The following PHLPP2 variants were observed in gnomAD, a reference collection of about 807,000 sequenced individuals.
PHLPP2 encodes the protein PH domain leucine-rich repeat-containing protein phosphatase 2.
In PHLPP2, 66 loss-of-function variants were observed where a neutral mutation model predicts 124.9. That is an observed-to-expected ratio of 0.53 (90% confidence interval 0.43 to 0.65). The LOEUF (loss-of-function observed/expected upper bound fraction) is 0.65, where lower values mean the gene tolerates loss of function less well. Ranked by LOEUF, PHLPP2 falls within the 30% of genes least tolerant of loss-of-function variation. The pLI is 0.00. For missense variants in PHLPP2, 1,685 were observed against 1,600.4 expected (o/e 1.05, Z -0.90); for synonymous variants, 681 against 624.7 (o/e 1.09, Z -1.34).
Position 71,658,520 on chromosome 16 carries a change from A to C in PHLPP2, c.2148+133T>G, listed in dbSNP as rs560307366. The C allele has an allele frequency of 1.7e-5, 21 of 1,203,062 alleles. No individual in the cohort carries two copies. In the South Asian group the frequency reaches 2.1e-4, roughly 12 times the overall value. The allele number at this position is 1,203,062 out of a possible 1,614,324, so 74.5% of individuals were successfully genotyped here. ...TGGTCCCAAACTGGAGCACATAAGA[A>C]GACAATAATATTTTTCCTTATAAGA... is the stretch of plus-strand genomic sequence containing the variant. On this transcript the variant is annotated intron_variant, in intron 14 of 18. Coordinates refer to ENST00000568954, the MANE Select transcript of PHLPP2 (RefSeq NM_015020.3).
chr16:71,698,524 T>C, intron 3 of PHLPP2: 1 of 711,226 alleles, frequency 1.4e-6, no homozygotes, highest in Non-Finnish European at 2.6e-6. Context: ...GAGCCTAGAC[T>C]GGGGATAGCA....
intron 4 of PHLPP2, among the ~76,000 whole-genome samples, chr16:71,685,497 C>A (rs2045047136): frequency 6.6e-6 from 1 of 151,990 alleles, no homozygotes; most frequent in Non-Finnish European, 1.5e-5. Flanking sequence ...GGTTTCTGTG[C>A]CAACTGAAGA....
chr16:71,682,943 G>A (rs2045016886), intron 5 of PHLPP2, among the ~76,000 whole-genome samples: 1 of 152,164 alleles, frequency 6.6e-6, no homozygotes, highest in South Asian at 2.1e-4. Context: ...GGCCAAGGCG[G>A]GCGGATCACC....
chr16:71,677,451 C>CAT (rs1428527661), intron 8 of PHLPP2: 5 of 89,912 alleles, frequency 5.6e-5, no homozygotes, highest in African/African-American at 1.9e-4. Flanking sequence ...AAATAATCTG[C>CAT]ACATATATAT....
chr16:71,697,621 G>T (rs190791523), intron 3 of PHLPP2, among the ~76,000 whole-genome samples: 72 of 152,244 alleles, frequency 4.7e-4, no homozygotes, highest in African/African-American at 1.6e-3. Context: ...TCTGATGTTT[G>T]TATTTATGCT....
intron 1 of PHLPP2, among the ~76,000 whole-genome samples, chr16:71,719,172 T>C (rs1033779236): frequency 2.6e-5 from 4 of 152,232 alleles, no homozygotes; most frequent in African/African-American, 9.6e-5. Context: ...CACAAATTTA[T>C]TTGAAAGGGA....
At chr16:71,681,972 G>T in intron 5 of PHLPP2, 67 bp from the exon 6 acceptor site, 1 of 1,158,230 alleles carries the variant, frequency 8.6e-7, no homozygotes, top group African/African-American at 1.6e-5. Flanking sequence ...GCAAAGAATG[G>T]AATGGCATTT....
In PHLPP2 at chr16:71,649,431, T is replaced by A. The variant is rs762992882; in HGVS notation, c.3431A>T (p.Asp1144Val). The A allele has an allele frequency of 6.2e-7, 1 of 1,614,030 alleles. No individual in the cohort carries two copies. Among genetic ancestry groups the A allele is most frequent in the South Asian group, 1.1e-5 (1 of 91,074 alleles). Residue 1144 changes from aspartate to valine, a missense_variant, in exon 19 of 19, where the codon GAC becomes GTC. Coordinates refer to ENST00000568954, the MANE Select transcript of PHLPP2 (RefSeq NM_015020.3). ...SSATFSSNQS[D>V]NGLDSDDDQP... is the part of the protein sequence containing the mutation. ...GTCATCATCACTGTCCAGGCCGTTG[T>A]CAGACTGGTTACTGGAGAAGGTAGC...
chr16:71,712,510 T>C (rs1202980214), intron 2 of PHLPP2, among the ~76,000 whole-genome samples: 1 of 152,228 alleles, frequency 6.6e-6, no homozygotes, highest in Non-Finnish European at 1.5e-5. Context: ...ATACACCATA[T>C]ACTTAAATAA....
In PHLPP2 at chr16:71,678,927, T is replaced by C. The variant is rs149979271; in HGVS notation, c.1096A>G (p.Asn366Asp). The change falls in exon 8 of 19, where the codon AAT becomes GAT. Residue 366 changes from asparagine (N) to aspartate (D), a missense_variant. Transcript: ENST00000568954. ...CCCAAGGAGGAAAGCTGTTGTAGAT[T>C]TCCCAATTCTTCAGGTAAAGTAGTC... ...FLTTLPEELG[N>D]LQQLSSLGIS... The C allele has an allele frequency of 6.2e-7, 1 of 1,613,424 alleles. No homozygotes were observed. The highest frequency in any genetic ancestry group is 1.3e-5 in the African/African-American group (1 of 75,036).
chr16:71,702,388 A>C (rs1225634707), intron 3 of PHLPP2, among the ~76,000 whole-genome samples: 4 of 152,220 alleles, frequency 2.6e-5, no homozygotes, highest in Non-Finnish European at 4.4e-5. Flanking sequence ...GTGCAAAATG[A>C]GCAAAAATAA....
intron 11 of PHLPP2, 21 bp downstream of exon 11, chr16:71,669,254 T>C (rs755262054): frequency 6.7e-7 from 1 of 1,483,876 alleles, no homozygotes. Flanking sequence ...ATACATAATA[T>C]ATGCATCCAG....
At chr16:71,692,228 C>A (rs1224973258) in intron 3 of PHLPP2, among the ~76,000 whole-genome samples, 1 of 152,060 alleles carries the variant, frequency 6.6e-6, no homozygotes, top group Admixed American at 6.6e-5. Context: ...CGCCAACACG[C>A]CCGGCTAATA....
chr16:71,696,498 A>G (rs1262580529), intron 3 of PHLPP2, among the ~76,000 whole-genome samples: 1 of 151,960 alleles, frequency 6.6e-6, no homozygotes, highest in Non-Finnish European at 1.5e-5. Context: ...CTAGCCAGGC[A>G]TGGTGGTGGG....
rs1030123735 is a variant in PHLPP2, at chr16:71,645,537, T to C, written c.*3353A>G. 2 of 152,608 alleles carry C rather than the reference T, an allele frequency of 1.3e-5. No individual in the cohort carries two copies. The highest frequency in any genetic ancestry group is 2.9e-5 in the Non-Finnish European group (2 of 68,030). The allele number at this position is 152,608 out of a possible 1,614,324, so 9.5% of individuals were successfully genotyped here. A position where few individuals can be genotyped will look rare whatever the true frequency, so the allele number is the denominator to read the frequency against. On this transcript the variant is annotated 3_prime_UTR_variant, in exon 19 of 19. Transcript: ENST00000568954. ...TCTTCATTAATAATTATTGGATAGA[T>C]AGAGAAGGTGAGCCTGTGGCTTCCA...
chr16:71,691,282 G>A lies in PHLPP2; in HGVS notation c.419-573C>T, dbSNP rs552834122. 1.0e-3 allele frequency among the ~76,000 whole-genome samples: 158 copies of A among 151,888 alleles called. 1 individual carries two copies. The highest frequency in any genetic ancestry group is 3.2e-3 in the African/African-American group (133 of 41,412). On this transcript the variant is annotated intron_variant, in intron 3 of 18. Transcript: ENST00000568954. ...ATCCTGGCTAGCACGGTGAAACCCCGTCTCTACTAAAAATACAAAAACAAA... is the reference window on the plus strand; with the variant it reads ...ATCCTGGCTAGCACGGTGAAACCCCATCTCTACTAAAAATACAAAAACAAA...
At chr16:71,671,649 TCA>T (rs1304921502) in intron 10 of PHLPP2, among the ~76,000 whole-genome samples, 2 of 151,966 alleles carry the variant, frequency 1.3e-5, no homozygotes, top group Non-Finnish European at 2.9e-5. Context: ...GCTCGGTGGC[TCA>T]CGCCTGTAAT....
chr16:71,698,493 G>C, intron 3 of PHLPP2: 1 of 750,880 alleles, frequency 1.3e-6, no homozygotes. Context: ...GCTTTCCAAA[G>C]GCACCTCGCA....
At chr16:71,680,772 C>T (rs2044989726) in intron 6 of PHLPP2, among the ~76,000 whole-genome samples, 1 of 152,136 alleles carries the variant, frequency 6.6e-6, no homozygotes, top group Non-Finnish European at 1.5e-5. Flanking sequence ...ACTGATTATT[C>T]CTTTGGCTTG....
Sources: allele counts gnomAD v4.1 joint callset (sites outside exome capture counted in the v4.1 genomes callset), GRCh38; gene constraint gnomAD v4.1.1; transcripts MANE v1.5; gene names NCBI Gene and HGNC (gene_info 2026-07-23, HGNC 2026-07-21).